The following CNTNAP4 variants were observed in gnomAD, a reference collection of about 807,000 sequenced individuals.
The protein encoded by CNTNAP4 is contactin-associated protein-like 4.
Under a neutral mutation model 148.4 loss-of-function variants are expected in CNTNAP4, and 98 were observed. The ratio of observed to expected loss-of-function variants is 0.66; its 90% confidence interval spans 0.56 to 0.78. The LOEUF (loss-of-function observed/expected upper bound fraction) is 0.78. CNTNAP4 is among the 30% of genes least tolerant of loss of function. The pLI, the probability that CNTNAP4 is intolerant of heterozygous loss-of-function variation, is 0.00. For missense variants in CNTNAP4, 1,935 were observed against 1,565.6 expected (o/e 1.24, Z -3.98); for synonymous variants, 730 against 565.1 (o/e 1.29, Z -4.14).
intron 1 of CNTNAP4, among the ~76,000 whole-genome samples, chr16:76,308,552 C>T (rs1026952297): frequency 6.6e-6 from 1 of 152,158 alleles, no homozygotes; most frequent in African/African-American, 2.4e-5. Flanking sequence ...TTCAGTCCTT[C>T]GGGCTGTGTT....
intron 3 of CNTNAP4, among the ~76,000 whole-genome samples, chr16:76,359,966 A>C (rs902858638): frequency 1.3e-5 from 2 of 152,210 alleles, no homozygotes; most frequent in African/African-American, 4.8e-5. Context: ...TTTATGGTAA[A>C]TGCCTAAGAT....
At chr16:76,312,709 C>T (rs1296951471) in intron 1 of CNTNAP4, among the ~76,000 whole-genome samples, 1 of 152,144 alleles carries the variant, frequency 6.6e-6, no homozygotes, top group Non-Finnish European at 1.5e-5. Context: ...GGTATTCTTA[C>T]ATAGTGGATT....
In CNTNAP4 at chr16:76,449,141, G is replaced by A. The variant is rs184940441; in HGVS notation, c.927+190G>A. On this transcript the variant is annotated intron_variant, in intron 6 of 23. Coordinates refer to ENST00000611870, the MANE Select transcript of CNTNAP4 (RefSeq NM_033401.5). ...TACTTGAACCTTCATCTTTCTCACA[G>A]TATGTAAATTTATTGTTATAGAGGG... 7.2e-5 allele frequency among the ~76,000 whole-genome samples: 11 copies of A among 152,198 alleles called. No individual in the cohort carries two copies. In the East Asian group the frequency reaches 1.9e-3, roughly 27 times the overall value.
intron 3 of CNTNAP4, among the ~76,000 whole-genome samples, chr16:76,420,943 C>T (rs1431959659): frequency 2.0e-5 from 3 of 151,862 alleles, no homozygotes; most frequent in African/African-American, 7.3e-5. Context: ...AAAATTTAGT[C>T]TTCCACAAAA....
intron 3 of CNTNAP4, among the ~76,000 whole-genome samples, chr16:76,398,460 T>C (rs905589140): frequency 6.6e-6 from 1 of 152,146 alleles, no homozygotes; most frequent in African/African-American, 2.4e-5. Flanking sequence ...CTACCCACTT[T>C]TCCAGCCATG....
At chr16:76,522,547 T>A (rs1326129309) in intron 17 of CNTNAP4, among the ~76,000 whole-genome samples, 1 of 151,548 alleles carries the variant, frequency 6.6e-6, no homozygotes, top group African/African-American at 2.4e-5. Flanking sequence ...TAATTCCTAT[T>A]TGCCTGCCTG....
chr16:76,317,167 G>T (rs1266972915), intron 2 of CNTNAP4, among the ~76,000 whole-genome samples: 1 of 148,450 alleles, frequency 6.7e-6, no homozygotes, highest in Non-Finnish European at 1.5e-5. Flanking sequence ...TGAAGCAGGA[G>T]TATCACTGAA....
intron 3 of CNTNAP4, among the ~76,000 whole-genome samples, chr16:76,374,742 CTAT>C (rs34594219): frequency 0.028 from 3,674 of 131,486 alleles, 68 homozygotes; most frequent in African/African-American, 0.054. Flanking sequence ...GACTATGACA[CTAT>C]TATTATTATT....
intron 3 of CNTNAP4, among the ~76,000 whole-genome samples, chr16:76,409,853 T>C (rs2078730079): frequency 6.6e-6 from 1 of 151,934 alleles, no homozygotes; most frequent in African/African-American, 2.4e-5. Context: ...ATAAACTGTC[T>C]GTAACACTGT....
intron 17 of CNTNAP4, among the ~76,000 whole-genome samples, chr16:76,523,655 G>A (rs763405302): frequency 9.9e-5 from 15 of 152,092 alleles, no homozygotes; most frequent in Non-Finnish European, 1.9e-4. Context: ...GTACTTCAAG[G>A]CCAGGCATGA....
intron 8 of CNTNAP4, among the ~76,000 whole-genome samples, chr16:76,456,710 G>A (rs1157646071): frequency 6.6e-6 from 1 of 152,130 alleles, no homozygotes; most frequent in Non-Finnish European, 1.5e-5. Flanking sequence ...TGTCCTAGCT[G>A]TTGCGGCCTA....
chr16:76,303,508 G>C (rs557726422), intron 1 of CNTNAP4, among the ~76,000 whole-genome samples: 1 of 152,276 alleles, frequency 6.6e-6, no homozygotes, highest in East Asian at 1.9e-4. Flanking sequence ...GAAAATATCA[G>C]TAATGGAAGT....
intron 15 of CNTNAP4, among the ~76,000 whole-genome samples, chr16:76,512,731 A>G (rs954209601): frequency 6.6e-6 from 1 of 152,120 alleles, no homozygotes; most frequent in Non-Finnish European, 1.5e-5. Flanking sequence ...CTTTGGGGCA[A>G]TTAAGTATGG....
At chr16:76,491,554 A>G (rs966378059) in intron 13 of CNTNAP4, among the ~76,000 whole-genome samples, 2 of 152,140 alleles carry the variant, frequency 1.3e-5, no homozygotes, top group African/African-American at 2.4e-5. Flanking sequence ...GTGAACATAC[A>G]CTGTTTAGTT....
At position 76,277,678 on chromosome 16, in the gene CNTNAP4, G is replaced by A. The variant is rs1330472944; in HGVS notation, c.16G>A (p.Gly6Arg). The A allele has an allele frequency of 1.2e-6, 2 of 1,604,772 alleles. No individual in the cohort carries two copies. Among genetic ancestry groups the A allele is most frequent in the African/African-American group, 2.7e-5 (2 of 74,806 alleles). Residue 6 changes from glycine (G) to arginine (R), a missense_variant, in exon 1 of 24, where the codon GGA becomes AGA. Coordinates refer to ENST00000611870, the MANE Select transcript of CNTNAP4 (RefSeq NM_033401.5). MGSVT[G>R]AVLKTLLLLS... ...AAATGTGAACATGGGATCTGTCACG[G>A]GAGCTGTCCTCAAGACGCTACTTCT...
intron 12 of CNTNAP4, among the ~76,000 whole-genome samples, chr16:76,480,007 T>C (rs999780997): frequency 1.3e-5 from 2 of 152,172 alleles, no homozygotes; most frequent in Non-Finnish European, 2.9e-5. Context: ...TTACCTTGTT[T>C]CGATAAAGAC....
intron 2 of CNTNAP4, among the ~76,000 whole-genome samples, chr16:76,336,726 A>G (rs1008561790): frequency 6.6e-6 from 1 of 152,206 alleles, no homozygotes. Context: ...TAGGTGTGGT[A>G]AGAATATATA....
chr16:76,546,627 A>G (rs1244111952), intron 21 of CNTNAP4, among the ~76,000 whole-genome samples: 2 of 152,198 alleles, frequency 1.3e-5, no homozygotes, highest in African/African-American at 2.4e-5. Flanking sequence ...ATGTATTACA[A>G]TGCATAATAG....
intron 2 of CNTNAP4, among the ~76,000 whole-genome samples, chr16:76,349,396 C>T (rs527350453): frequency 6.6e-6 from 1 of 151,902 alleles, no homozygotes; most frequent in African/African-American, 2.4e-5. Flanking sequence ...GAGAACAGAC[C>T]GACAGCAACA....
Sources: allele counts gnomAD v4.1 joint callset (sites outside exome capture counted in the v4.1 genomes callset), GRCh38; gene constraint gnomAD v4.1.1; transcripts MANE v1.5; gene names NCBI Gene and HGNC (gene_info 2026-07-23, HGNC 2026-07-21).